Variants in AP2A1 observed in about 807,000 individuals in gnomAD.
The protein encoded by AP2A1 is adaptor related protein complex 2 subunit alpha 1, also known as AP-2 complex subunit alpha-1.
Under a neutral mutation model 107.3 loss-of-function variants are expected in AP2A1, and 21 were observed. The observed-to-expected ratio is 0.20, with a 90% CI of 0.14 to 0.28. The LOEUF is 0.28. AP2A1 is among the 10% of genes least tolerant of loss of function. The probability of loss-of-function intolerance (pLI) is 1.00; values close to 1 mark genes in which losing one functional copy is unlikely to be tolerated. For synonymous variants in AP2A1, 602 were observed against 564.8 expected (o/e 1.07, Z -0.93); for missense variants, 873 against 1,307.7 (o/e 0.67, Z 5.13).
At chr19:49,787,288 GT>G (rs1179208026) in intron 4 of AP2A1, among the ~76,000 whole-genome samples, 1 of 147,196 alleles carries the variant, frequency 6.8e-6, no homozygotes, top group African/African-American at 2.6e-5. Flanking sequence ...CTCCCAAAGT[GT>G]TGGGATTACA....
chr19:49,788,226 G>A lies in AP2A1; in HGVS notation c.474-3709G>A, dbSNP rs1488182175. On this transcript the variant is annotated intron_variant, in intron 4 of 22. Transcript: ENST00000354293. The surrounding 1 kb of genome is among the most constrained non-coding windows in gnomAD (Gnocchi z 4.5). ...AGCTTCCCAAAGTGCTGAGATTACAGGCGTGAGCCACCGCGCCTGACTTGT... is the reference window on the plus strand; with the variant it reads ...AGCTTCCCAAAGTGCTGAGATTACAAGCGTGAGCCACCGCGCCTGACTTGT... Among the ~76,000 whole-genome samples, 2 of 152,242 alleles carry A rather than the reference G, an allele frequency of 1.3e-5. No homozygotes were observed. The highest frequency in any genetic ancestry group is 2.9e-5 in the Non-Finnish European group (2 of 68,046).
Position 49,798,866 on chromosome 19 carries a change from GC to G in AP2A1, c.885del (p.Lys296AsnfsTer131). 1 of 1,595,342 alleles carries G rather than the reference GC, an allele frequency of 6.3e-7. No homozygotes were observed. The highest frequency in any genetic ancestry group is 1.8e-5 in the Admixed American group (1 of 56,940). ...LETVLNKAQE[P>X]PKSKKVQHSN... ...AGACTGTGCTCAACAAGGCCCAGGAGCCCCCCAAATCCAAGAAGGTGCAGCA... is the reference window on the plus strand; with the variant it reads ...AGACTGTGCTCAACAAGGCCCAGGAGCCCCCAAATCCAAGAAGGTGCAGCA... On this transcript the variant is annotated frameshift_variant, in exon 8 of 23. Coordinates refer to ENST00000354293, the MANE Select transcript of AP2A1 (RefSeq NM_130787.3). LOFTEE classifies it high-confidence loss of function.
intron 1 of AP2A1, among the ~76,000 whole-genome samples, chr19:49,778,105 A>G (rs1224504559): frequency 2.6e-5 from 4 of 152,226 alleles, no homozygotes; most frequent in Non-Finnish European, 5.9e-5. Context: ...ATATATTTAA[A>G]TCATTTCAAG....
chr19:49,781,559 T>C (rs866945617), intron 1 of AP2A1, among the ~76,000 whole-genome samples, 198 bp from the exon 2 acceptor site: 50 of 152,234 alleles, frequency 3.3e-4, no homozygotes, highest in Admixed American at 1.1e-3. Context: ...TGCTCTGTGC[T>C]GTGGGGCTCA....
intron 7 of AP2A1, chr19:49,797,648 C>G (rs1416936540): frequency 1.3e-5 from 2 of 152,134 alleles, no homozygotes; most frequent in African/African-American, 4.8e-5. Flanking sequence ...ATCGCTTGAA[C>G]CCGGGAGGTG....
At chr19:49,775,192 C>T (rs1000299994) in intron 1 of AP2A1, among the ~76,000 whole-genome samples, 1 of 152,212 alleles carries the variant, frequency 6.6e-6, no homozygotes, top group African/African-American at 2.4e-5. Context: ...CGCACCACCA[C>T]ACTCCAGCCT....
chr19:49,783,732 G>A (rs1281464937), intron 4 of AP2A1, among the ~76,000 whole-genome samples: 1 of 152,162 alleles, frequency 6.6e-6, no homozygotes. Context: ...ATCGGTTTTG[G>A]GGCCCTGCAG....
At chr19:49,805,290 G>C in intron 18 of AP2A1, 163 bp from the exon 19 acceptor site, 1 of 843,728 alleles carries the variant, frequency 1.2e-6, no homozygotes, top group South Asian at 2.3e-5. Flanking sequence ...GGTTTCCATA[G>C]TATGAACTTT....
chr19:49,795,518 T>A, intron 6 of AP2A1, 112 bp from the exon 7 acceptor site: 1 of 723,692 alleles, frequency 1.4e-6, no homozygotes, highest in South Asian at 1.6e-5. Flanking sequence ...AACAAAACCA[T>A]TAACACTGAC....
chr19:49,775,068 A>T (rs2084603963), intron 1 of AP2A1, among the ~76,000 whole-genome samples: 1 of 151,822 alleles, frequency 6.6e-6, no homozygotes, highest in African/African-American at 2.4e-5. Flanking sequence ...ACCACAAAAA[A>T]ACTTTTAAAA....
intron 1 of AP2A1, among the ~76,000 whole-genome samples, chr19:49,773,013 C>G (rs1043436682): frequency 1.8e-4 from 28 of 151,844 alleles, no homozygotes; most frequent in African/African-American, 6.8e-4. Flanking sequence ...TGGGGAGAGG[C>G]AGGGCTCAGA....
chr19:49,806,832 G>C lies in AP2A1; in HGVS notation c.*74G>C. The C allele has an allele frequency of 2.5e-6, 4 of 1,603,612 alleles. No individual in the cohort carries two copies. Among genetic ancestry groups the C allele is most frequent in the South Asian group, 1.1e-5 (1 of 90,046 alleles). ...GGACTGAGGCAGTTTTGGTGGATGG[G>C]GGACCTCCACTGGTGACAGAGAAGA... On this transcript the variant is annotated 3_prime_UTR_variant, in exon 23 of 23. Coordinates refer to ENST00000354293, the MANE Select transcript of AP2A1 (RefSeq NM_130787.3).
intron 4 of AP2A1, among the ~76,000 whole-genome samples, chr19:49,789,768 G>A (rs928656142): frequency 5.9e-5 from 9 of 152,114 alleles, no homozygotes; most frequent in African/African-American, 2.2e-4. Flanking sequence ...AAGCCGACAA[G>A]GCTCCTCATT....
rs2073407892 is a variant in AP2A1 at position 49,806,929 on chromosome 19, G to C, written c.*171G>C. 2.6e-6 allele frequency: 4 copies of C among 1,534,820 alleles called. No homozygotes were observed. Among genetic ancestry groups the C allele is most frequent in the Non-Finnish European group, 3.5e-6 (4 of 1,146,870 alleles). On this transcript the variant is annotated 3_prime_UTR_variant, in exon 23 of 23. Coordinates refer to ENST00000354293, the MANE Select transcript of AP2A1 (RefSeq NM_130787.3). ...TTTTTATTTTTGTTCATCTGCTGCTGTTTACATTCTGGGGGGTTAGGGGGA... is the reference window on the plus strand; with the variant it reads ...TTTTTATTTTTGTTCATCTGCTGCTCTTTACATTCTGGGGGGTTAGGGGGA...
At position 49,787,324 on chromosome 19, in the gene AP2A1, G is replaced by A. The variant is rs534056224; in HGVS notation, c.473+4600G>A. On this transcript the variant is annotated intron_variant, in intron 4 of 22. Coordinates refer to ENST00000354293, the MANE Select transcript of AP2A1 (RefSeq NM_130787.3). Reference sequence around the variant, plus strand: ...AGGTGTGAGCCACCACTCCCATCTAGGCTTTTTTTGTTTGTTTTTTTTGTT... The same window carrying A: ...AGGTGTGAGCCACCACTCCCATCTAAGCTTTTTTTGTTTGTTTTTTTTGTT... 1.2e-3 allele frequency among the ~76,000 whole-genome samples: 161 copies of A among 139,720 alleles called. 3 individuals carry two copies. Among genetic ancestry groups the A allele is most frequent in the African/African-American group, 4.2e-3 (154 of 36,636 alleles). The allele number at this position is 139,720 out of a possible 152,430, so 91.7% of individuals were successfully genotyped here.
intron 22 of AP2A1, 193 bp downstream of exon 22, chr19:49,806,446 C>G: frequency 1.4e-6 from 2 of 1,435,538 alleles, no homozygotes; most frequent in South Asian, 1.5e-5. Context: ...TGTTCCTCTC[C>G]TCTTCCTGTC....
chr19:49,798,325 G>A (rs1423318984), intron 7 of AP2A1, among the ~76,000 whole-genome samples: 1 of 152,204 alleles, frequency 6.6e-6, no homozygotes, highest in African/African-American at 2.4e-5. Context: ...GGCACCGAGT[G>A]TGCCTGCAGT....
Position 49,800,957 on chromosome 19 carries a change from TCA to T in AP2A1, c.1456-3_1456-2del. ...CTCTCCACGCCCTTCCCCACCCCACTCAGGCGCTCCAGGCCCCTGCCTGTCAC... is the reference window on the plus strand; with the variant it reads ...CTCTCCACGCCCTTCCCCACCCCACTGGCGCTCCAGGCCCCTGCCTGTCAC... On this transcript the variant is annotated splice_acceptor_variant and splice_polypyrimidine_tract_variant and intron_variant, in intron 11 of 22. Transcript: ENST00000354293. LOFTEE classifies it high-confidence loss of function. The T allele has an allele frequency of 6.3e-7, 1 of 1,582,710 alleles. No homozygotes were observed. The highest frequency in any genetic ancestry group is 8.6e-7 in the Non-Finnish European group (1 of 1,164,814).
chr19:49,792,923 TC>T (rs2073164893), intron 5 of AP2A1, 67 bp from the exon 6 acceptor site: 1 of 1,351,214 alleles, frequency 7.4e-7, no homozygotes, highest in Admixed American at 2.0e-5. Context: ...CCTGTCCCGC[TC>T]CTGAGCCTCT....
Sources: allele counts gnomAD v4.1 joint callset (sites outside exome capture counted in the v4.1 genomes callset), GRCh38; gene constraint gnomAD v4.1.1; non-coding constraint Gnocchi (gnomAD v3.1); transcripts MANE v1.5; gene names NCBI Gene and HGNC (gene_info 2026-07-23, HGNC 2026-07-21).